SPECC1L: variants seen among roughly 807,000 people sequenced by gnomAD.
SPECC1L encodes the protein cytospin-A.
SPECC1L carries 40 observed loss-of-function variants against 116.8 expected under a neutral mutation model. The observed-to-expected ratio is 0.34, with a 90% CI of 0.27 to 0.45. The LOEUF (loss-of-function observed/expected upper bound fraction) is 0.45, where lower values mean the gene tolerates loss of function less well. Among genes scored for constraint, SPECC1L ranks in the 20% least tolerant of loss-of-function variants. SPECC1L has a pLI of 1.00. For synonymous variants in SPECC1L, 504 were observed against 500.6 expected (o/e 1.01, Z -0.09); for missense variants, 1,110 against 1,373.6 (o/e 0.81, Z 3.03).
chr22:24,407,264 G>A (rs982505952), intron 14 of SPECC1L, among the ~76,000 whole-genome samples: 3 of 152,248 alleles, frequency 2.0e-5, no homozygotes, highest in Non-Finnish European at 2.9e-5. Context: ...AACTGAAGAA[G>A]CCATTGTTTT....
At chr22:24,279,606 G>T (rs1337894576) in intron 2 of SPECC1L, among the ~76,000 whole-genome samples, 1 of 150,958 alleles carries the variant, frequency 6.6e-6, no homozygotes, top group Non-Finnish European at 1.5e-5. Context: ...TTAGAAACAG[G>T]TCTAGCTCTG....
chr22:24,388,507 C>T (rs2042205064), intron 14 of SPECC1L, among the ~76,000 whole-genome samples: 2 of 151,756 alleles, frequency 1.3e-5, no homozygotes, highest in Admixed American at 1.3e-4. Flanking sequence ...TGGCTTGGTT[C>T]CAAGTCTTTG....
intron 4 of SPECC1L, among the ~76,000 whole-genome samples, chr22:24,317,555 C>G (rs2040614472): frequency 7.4e-6 from 1 of 134,300 alleles, no homozygotes; most frequent in Non-Finnish European, 1.6e-5. Context: ...CCAGTAGGGG[C>G]GGCCGGGCAG....
intron 14 of SPECC1L, among the ~76,000 whole-genome samples, chr22:24,379,660 C>G (rs756240096): frequency 2.0e-4 from 31 of 152,142 alleles, no homozygotes; most frequent in Non-Finnish European, 8.8e-5. Flanking sequence ...ACTTGACAGT[C>G]TTGGCTACAA....
At chr22:24,377,185 A>AT (rs780962591) in intron 14 of SPECC1L, among the ~76,000 whole-genome samples, 1 of 152,162 alleles carries the variant, frequency 6.6e-6, no homozygotes, top group Non-Finnish European at 1.5e-5. Context: ...CTAGTACCTC[A>AT]TTCCTTTTTA....
At chr22:24,321,015 A>G (rs919775221) in intron 4 of SPECC1L, among the ~76,000 whole-genome samples, 2 of 152,272 alleles carry the variant, frequency 1.3e-5, no homozygotes, top group African/African-American at 2.4e-5. Context: ...ACAGCTTTGT[A>G]GAAATGTAAT....
In SPECC1L at chr22:24,414,939, A is replaced by C. The variant is rs1475601521; in HGVS notation, c.*316A>C. 2.6e-6 allele frequency: 1 copy of C among 387,232 alleles called. No homozygotes were observed. The highest frequency in any genetic ancestry group is 4.9e-6 in the Non-Finnish European group (1 of 203,468). The allele number at this position is 387,232 out of a possible 1,614,324, so 24.0% of individuals were successfully genotyped here. On this transcript the variant is annotated 3_prime_UTR_variant, in exon 17 of 17. Transcript: ENST00000314328. ...CACTAGTGCTCCAGGGCACCAAACA[A>C]AAAGGGCTCATGCACAGCTGAATTT...
chr22:24,288,615 C>CA (rs1569405170), intron 2 of SPECC1L, among the ~76,000 whole-genome samples: 9 of 61,674 alleles, frequency 1.5e-4, no homozygotes, highest in African/African-American at 2.1e-4. Context: ...AAATTTTAAG[C>CA]TTTTTTTTTT....
intron 2 of SPECC1L, among the ~76,000 whole-genome samples, chr22:24,301,561 G>A (rs569617564): frequency 6.6e-6 from 1 of 152,230 alleles, no homozygotes; most frequent in Admixed American, 6.5e-5. Context: ...TTGTAATAAA[G>A]TGTTGAATAT....
intron 11 of SPECC1L, among the ~76,000 whole-genome samples, chr22:24,362,655 T>C (rs970965335): frequency 1.3e-5 from 2 of 152,200 alleles, no homozygotes; most frequent in African/African-American, 4.8e-5. Flanking sequence ...TTTATTATTC[T>C]CTAACTTGAA....
At position 24,321,765 on chromosome 22, in the gene SPECC1L, A is replaced by C; in HGVS notation, c.785A>C (p.Asn262Thr). The part of the protein sequence containing the change: ...AIREELNQLK[N>T]ENRMLKDRLN... ...CGTGAAGAACTCAACCAGCTGAAAA[A>C]TGAAAACAGAATGTTAAAGGACAGG... The change falls in exon 5 of 17, where the codon AAT becomes ACT. Residue 262 changes from asparagine (N) to threonine (T), a missense_variant. Physicochemically the swap from Asn to Thr is moderately conservative, Grantham distance 65 (BLOSUM62 0). This residue lies in a region of SPECC1L where 437 missense variants were observed against 482.6 expected (regional missense o/e 0.91). Coordinates refer to ENST00000314328, the MANE Select transcript of SPECC1L (RefSeq NM_015330.6). 6.2e-7 allele frequency: 1 copy of C among 1,614,266 alleles called. No individual in the cohort carries two copies. Among genetic ancestry groups the C allele is most frequent in the Non-Finnish European group, 8.5e-7 (1 of 1,180,052 alleles).
In SPECC1L at chr22:24,288,615, C is replaced by CTTTTTTTTT. The variant is rs756714389; in HGVS notation, c.-38+11833_-38+11841dup. 3.6e-4 allele frequency among the ~76,000 whole-genome samples: 22 copies of CTTTTTTTTT among 61,680 alleles called. 3 individuals carry two copies. Among genetic ancestry groups the CTTTTTTTTT allele is most frequent in the East Asian group, 1.3e-3 (2 of 1,586 alleles). The allele number at this position is 61,680 out of a possible 152,430, so 40.5% of individuals were successfully genotyped here. ...GACTTCTCAAATCCAAAATTTTAAG[C>CTTTTTTTTT]TTTTTTTTTTTTTTTTTTTTTTTTT... On this transcript the variant is annotated intron_variant, in intron 2 of 16. Coordinates refer to ENST00000314328, the MANE Select transcript of SPECC1L (RefSeq NM_015330.6).
chr22:24,346,950 G>C, intron 10 of SPECC1L, 136 bp from the exon 11 acceptor site: 17 of 742,484 alleles, frequency 2.3e-5, no homozygotes, highest in South Asian at 2.2e-4. Context: ...TGCCTGTAAG[G>C]TGTGTTACAA....
At chr22:24,354,692 G>T (rs1039418697) in intron 11 of SPECC1L, among the ~76,000 whole-genome samples, 1 of 148,084 alleles carries the variant, frequency 6.8e-6, no homozygotes, top group South Asian at 2.1e-4. Context: ...TTTTGAGACA[G>T]AGTCTCACCC....
At chr22:24,404,030 A>G (rs1434803539) in intron 14 of SPECC1L, among the ~76,000 whole-genome samples, 12 of 152,122 alleles carry the variant, frequency 7.9e-5, no homozygotes. Context: ...ATGGCAACTC[A>G]TATGTTTCTA....
intron 10 of SPECC1L, among the ~76,000 whole-genome samples, chr22:24,342,943 A>G (rs2041209427): frequency 6.6e-6 from 1 of 152,172 alleles, no homozygotes; most frequent in Non-Finnish European, 1.5e-5. Context: ...CTATAATCCC[A>G]GCACTTTGGG....
At chr22:24,347,922 C>G (rs1357294282) in intron 11 of SPECC1L, among the ~76,000 whole-genome samples, 2 of 152,154 alleles carry the variant, frequency 1.3e-5, no homozygotes, top group Non-Finnish European at 2.9e-5. Flanking sequence ...GTGATCTGCC[C>G]ACCTCAACCT....
At chr22:24,272,381 G>C (rs558276284) in intron 1 of SPECC1L, among the ~76,000 whole-genome samples, 1 of 150,422 alleles carries the variant, frequency 6.6e-6, no homozygotes, top group Non-Finnish European at 1.5e-5. Flanking sequence ...ACAAAAACCA[G>C]ATATAACAAG....
chr22:24,385,555 A>T (rs2146711753), intron 14 of SPECC1L, among the ~76,000 whole-genome samples: 1 of 152,340 alleles, frequency 6.6e-6, no homozygotes, highest in South Asian at 2.1e-4. Context: ...AGCTATACTA[A>T]TTTCAAAGCA....
Sources: allele counts gnomAD v4.1 joint callset (sites outside exome capture counted in the v4.1 genomes callset), GRCh38; gene constraint gnomAD v4.1.1; regional missense constraint gnomAD v4.1.1; transcripts MANE v1.5; gene names NCBI Gene and HGNC (gene_info 2026-07-23, HGNC 2026-07-21).